Variants in C8orf34 observed in about 807,000 individuals in gnomAD.
C8orf34 encodes the protein uncharacterized protein C8orf34.
C8orf34 carries 65 observed loss-of-function variants against 68.3 expected under a neutral mutation model. The observed-to-expected ratio is 0.95, with a 90% CI of 0.78 to 1.17. The LOEUF (loss-of-function observed/expected upper bound fraction) is 1.17, where lower values mean the gene tolerates loss of function less well. C8orf34 is among the 50% of genes most tolerant of loss of function. The pLI, the probability that C8orf34 is intolerant of heterozygous loss-of-function variation, is 0.00. For missense variants in C8orf34, 664 were observed against 655.4 expected (o/e 1.01, Z -0.14); for synonymous variants, 244 against 241.2 (o/e 1.01, Z -0.11).
chr8:68,369,116 C>G (rs575260185), intron 1 of C8orf34, among the ~76,000 whole-genome samples: 4 of 152,292 alleles, frequency 2.6e-5, no homozygotes, highest in Non-Finnish European at 5.9e-5. Flanking sequence ...CAAAAGCAGA[C>G]AAGTAATAAA....
At position 68,375,977 on chromosome 8, in the gene C8orf34, C is replaced by A. The variant is rs74708816; in HGVS notation, c.327+44638C>A. 2.1e-3 allele frequency among the ~76,000 whole-genome samples: 318 copies of A among 152,202 alleles called. 1 individual carries two copies. The highest frequency in any genetic ancestry group is 7.2e-3 in the African/African-American group (301 of 41,520). On this transcript the variant is annotated intron_variant, in intron 1 of 13. Transcript: ENST00000518698. ...CCATCAACCCAACCGTTTGTCTATT[C>A]TTCAACTTTCATGGAGTGCCTACAA...
chr8:68,709,768 A>G (rs1453373367), intron 9 of C8orf34, among the ~76,000 whole-genome samples: 1 of 152,154 alleles, frequency 6.6e-6, no homozygotes, highest in African/African-American at 2.4e-5. Flanking sequence ...TCTATAGTAT[A>G]AAATGGAAAT....
At chr8:68,576,195 C>T (rs1816901865) in intron 7 of C8orf34, among the ~76,000 whole-genome samples, 1 of 151,428 alleles carries the variant, frequency 6.6e-6, no homozygotes, top group Non-Finnish European at 1.5e-5. Context: ...CATCATCATT[C>T]TGTATGTTAT....
intron 6 of C8orf34, 112 bp downstream of exon 6, chr8:68,522,083 A>T (rs758990991): frequency 8.8e-5 from 84 of 951,674 alleles, no homozygotes; most frequent in Non-Finnish European, 1.2e-4. Flanking sequence ...TTTTTATAGA[A>T]AATTATGTTA....
At chr8:68,779,341 CA>C (rs1212328094) in intron 11 of C8orf34, among the ~76,000 whole-genome samples, 2 of 152,002 alleles carry the variant, frequency 1.3e-5, no homozygotes, top group African/African-American at 2.4e-5. Flanking sequence ...ATTGTCAATT[CA>C]AATGATTGAG....
chr8:68,675,052 C>T (rs950865274), intron 8 of C8orf34, among the ~76,000 whole-genome samples: 4 of 151,872 alleles, frequency 2.6e-5, no homozygotes, highest in Non-Finnish European at 5.9e-5. Context: ...ATATATCTGG[C>T]AAATATATCA....
At chr8:68,490,747 G>A (rs2380463) in intron 5 of C8orf34, among the ~76,000 whole-genome samples, 11,208 of 152,008 alleles carry the variant, frequency 0.074, 667 homozygotes, top group East Asian at 0.23. Context: ...GATTTTTGGA[G>A]TGCTAGATAA....
chr8:68,486,250 T>C (rs954762158), intron 4 of C8orf34, among the ~76,000 whole-genome samples: 7 of 152,182 alleles, frequency 4.6e-5, no homozygotes, highest in African/African-American at 1.7e-4. Flanking sequence ...TCCCCTTGAC[T>C]GTGGTGCTGT....
In C8orf34 at chr8:68,640,496, G is replaced by C. The variant is rs1408953189; in HGVS notation, c.1226G>C (p.Cys409Ser). The C allele has an allele frequency of 6.2e-7, 1 of 1,613,620 alleles. No individual in the cohort carries two copies. The highest frequency in any genetic ancestry group is 1.1e-5 in the South Asian group (1 of 91,006). ...CAGGCCAAGGTCACACTGAACATCT[G>C]TTCAAGGTGTGCCAGGTAAAAGACA... The part of the protein sequence containing the change: ...EPQAKVTLNI[C>S]SRCARLQGDN... The change falls in exon 8 of 14, where the codon TGT becomes TCT. Residue 409 changes from cysteine (C) to serine (S), a missense_variant. Cys to Ser is a moderately radical substitution (Grantham distance 112). Transcript: ENST00000518698.
At chr8:68,383,061 T>C (rs747961990) in intron 1 of C8orf34, among the ~76,000 whole-genome samples, 4 of 152,042 alleles carry the variant, frequency 2.6e-5, no homozygotes, top group Non-Finnish European at 5.9e-5. Context: ...TTATATATTG[T>C]AGCATAGGTT....
intron 7 of C8orf34, among the ~76,000 whole-genome samples, chr8:68,594,268 T>C (rs1817478711): frequency 3.3e-5 from 5 of 152,082 alleles, no homozygotes; most frequent in Admixed American, 3.3e-4. Context: ...TTTATCTAAC[T>C]CTTCCTATAA....
chr8:68,683,658 T>C (rs1165360078), intron 8 of C8orf34, among the ~76,000 whole-genome samples: 1 of 152,100 alleles, frequency 6.6e-6, no homozygotes, highest in Admixed American at 6.6e-5. Context: ...TCTCAACAAC[T>C]TTTAAATATA....
intron 4 of C8orf34, among the ~76,000 whole-genome samples, chr8:68,471,805 A>T (rs2129630118): frequency 6.6e-6 from 1 of 152,190 alleles, no homozygotes; most frequent in East Asian, 1.9e-4. Context: ...GTCTAAAAAA[A>T]TCCTACATGT....
In C8orf34 at chr8:68,330,988, G is replaced by A; in HGVS notation, c.-25G>A. On this transcript the variant is annotated 5_prime_UTR_variant, in exon 1 of 14. Transcript: ENST00000518698. ...GGGCGCTGCGGAGAGCGGCGAGGGT[G>A]GGCGCGAGGCGGAGAACGCGATGAA... The A allele has an allele frequency of 2.2e-6, 3 of 1,378,726 alleles. No individual in the cohort carries two copies. Among genetic ancestry groups the A allele is most frequent in the South Asian group, 3.3e-5 (2 of 60,846 alleles). 85.4% of individuals were successfully genotyped at this position (1,378,726 alleles called of 1,614,324 possible).
At chr8:68,775,092 G>A (rs570427152) in intron 10 of C8orf34, among the ~76,000 whole-genome samples, 8 of 149,984 alleles carry the variant, frequency 5.3e-5, no homozygotes, top group African/African-American at 2.0e-4. Flanking sequence ...AAAAAGAAGA[G>A]TATCAGACTA....
At chr8:68,430,800 T>G (rs1003955558) in intron 1 of C8orf34, among the ~76,000 whole-genome samples, 13 of 152,102 alleles carry the variant, frequency 8.5e-5, no homozygotes, top group Admixed American at 3.3e-4. Flanking sequence ...TGCAAGACAA[T>G]GTGACAAGTC....
chr8:68,337,895 A>C (rs1197698246), intron 1 of C8orf34, among the ~76,000 whole-genome samples: 3 of 152,230 alleles, frequency 2.0e-5, no homozygotes, highest in Non-Finnish European at 1.5e-5. Flanking sequence ...AAAATATTTA[A>C]ACAATAAATG....
At chr8:68,431,256 T>C (rs1279850713) in intron 1 of C8orf34, among the ~76,000 whole-genome samples, 1 of 152,202 alleles carries the variant, frequency 6.6e-6, no homozygotes, top group African/African-American at 2.4e-5. Context: ...TATTCTGTCA[T>C]TCTGAGCACC....
intron 4 of C8orf34, among the ~76,000 whole-genome samples, chr8:68,476,623 C>T (rs534577782): frequency 1.2e-3 from 178 of 152,074 alleles, no homozygotes; most frequent in African/African-American, 4.0e-3. Context: ...GGTTTTATGC[C>T]CTACAGGGTC....
Sources: allele counts gnomAD v4.1 joint callset (sites outside exome capture counted in the v4.1 genomes callset), GRCh38; gene constraint gnomAD v4.1.1; transcripts MANE v1.5; gene names NCBI Gene and HGNC (gene_info 2026-07-23, HGNC 2026-07-21).